LSAMP: variants seen among roughly 807,000 people sequenced by gnomAD.
The protein encoded by LSAMP is limbic system-associated membrane protein.
A neutral mutation model predicts 38.6 loss-of-function variants in LSAMP; 7 were observed. The observed-to-expected ratio is 0.18, with a 90% CI of 0.10 to 0.34. The LOEUF (loss-of-function observed/expected upper bound fraction) is 0.34. Among genes scored for constraint, LSAMP ranks in the 10% least tolerant of loss-of-function variants. The pLI is 1.00. For missense variants in LSAMP, 313 were observed against 420.0 expected, an observed-to-expected ratio of 0.75 and a Z score of 2.23; for synonymous variants, 154 against 166.8, an observed-to-expected ratio of 0.92 and a Z score of 0.59.
intron 3 of LSAMP, among the ~76,000 whole-genome samples, chr3:115,984,269 T>A: frequency 6.6e-6 from 1 of 152,098 alleles, no homozygotes; most frequent in East Asian, 1.9e-4. Context: ...GGAAACATGA[T>A]CAATTCAAAT....
At chr3:116,319,178 C>A (rs2107727424) in intron 1 of LSAMP, among the ~76,000 whole-genome samples, 1 of 152,186 alleles carries the variant, frequency 6.6e-6, no homozygotes, top group East Asian at 1.9e-4. Flanking sequence ...CTTGTTTTAC[C>A]AAAAAGTCAA....
intron 2 of LSAMP, among the ~76,000 whole-genome samples, chr3:116,052,786 G>A (rs541878100): frequency 2.8e-4 from 43 of 152,286 alleles, no homozygotes; most frequent in South Asian, 4.1e-4. Flanking sequence ...CAAGGTGCTC[G>A]TGTGCTCCCA....
intron 3 of LSAMP, among the ~76,000 whole-genome samples, chr3:115,932,632 A>T (rs1937598766): frequency 6.6e-6 from 1 of 152,224 alleles, no homozygotes; most frequent in Non-Finnish European, 1.5e-5. Flanking sequence ...TACATTACAG[A>T]AATCATAAAG....
chr3:116,425,060 G>T (rs1374259743), intron 1 of LSAMP, among the ~76,000 whole-genome samples: 1 of 151,762 alleles, frequency 6.6e-6, no homozygotes, highest in African/African-American at 2.4e-5. Flanking sequence ...ACCGTGCAGG[G>T]GCTGGGCATT....
At chr3:115,912,584 T>A (rs910025158) in intron 3 of LSAMP, among the ~76,000 whole-genome samples, 1 of 152,180 alleles carries the variant, frequency 6.6e-6, no homozygotes, top group Non-Finnish European at 1.5e-5. Flanking sequence ...CTGTGTTGCG[T>A]CATTGCAGCC....
At chr3:116,237,090 A>G (rs2046474184) in intron 1 of LSAMP, among the ~76,000 whole-genome samples, 1 of 152,062 alleles carries the variant, frequency 6.6e-6, no homozygotes, top group Non-Finnish European at 1.5e-5. Flanking sequence ...CATGACATCA[A>G]AAATATGCCT....
intron 1 of LSAMP, among the ~76,000 whole-genome samples, chr3:116,424,424 A>G (rs187650772): frequency 3.3e-5 from 5 of 152,328 alleles, no homozygotes; most frequent in Admixed American, 2.6e-4. Context: ...ACAATTTTCC[A>G]TAGTCGTACC....
intron 3 of LSAMP, among the ~76,000 whole-genome samples, chr3:116,002,434 C>G (rs999864669): frequency 6.6e-6 from 1 of 152,182 alleles, no homozygotes; most frequent in African/African-American, 2.4e-5. Context: ...CTGAAAGAAG[C>G]TTTGGATGCC....
intron 3 of LSAMP, 61 bp from the exon 4 acceptor site, chr3:115,852,678 CATT>C (rs1935372458): frequency 4.2e-6 from 6 of 1,437,442 alleles, no homozygotes; most frequent in East Asian, 2.5e-5. Context: ...TAGATCCTCT[CATT>C]ATTCTTTTTA....
intron 1 of LSAMP, among the ~76,000 whole-genome samples, chr3:116,250,078 A>C (rs1424890706): frequency 6.6e-6 from 1 of 152,180 alleles, no homozygotes; most frequent in African/African-American, 2.4e-5. Context: ...AAAAATCCAG[A>C]TCTTAACATT....
chr3:115,994,776 T>A (rs946287096), intron 3 of LSAMP, among the ~76,000 whole-genome samples: 3 of 152,130 alleles, frequency 2.0e-5, no homozygotes, highest in African/African-American at 7.2e-5. Flanking sequence ...TTCGCTTTAA[T>A]CTGTGGACTC....
chr3:116,060,670 G>A (rs1396821208), intron 2 of LSAMP, among the ~76,000 whole-genome samples: 1 of 152,178 alleles, frequency 6.6e-6, no homozygotes, highest in Non-Finnish European at 1.5e-5. Flanking sequence ...TGAGGCAGGA[G>A]AATCGCTTGA....
intron 1 of LSAMP, among the ~76,000 whole-genome samples, chr3:116,096,754 G>T (rs1319927679): frequency 6.6e-6 from 1 of 152,168 alleles, no homozygotes. Context: ...TCTGCTGGCT[G>T]AATTGGAGTT....
intron 1 of LSAMP, among the ~76,000 whole-genome samples, chr3:116,271,514 A>G (rs1203911330): frequency 6.6e-6 from 1 of 152,162 alleles, no homozygotes; most frequent in Admixed American, 6.6e-5. Context: ...ACTCCCAGTT[A>G]GTTTGTTTCA....
chr3:116,317,620 G>A (rs978053879), intron 1 of LSAMP, among the ~76,000 whole-genome samples: 28 of 151,672 alleles, frequency 1.8e-4, no homozygotes, highest in Admixed American at 1.0e-3. Context: ...CTCCCAAAGC[G>A]CTGGGATTAC....
intron 6 of LSAMP, among the ~76,000 whole-genome samples, chr3:115,824,841 T>C (rs1461085205): frequency 1.3e-5 from 2 of 152,188 alleles, no homozygotes; most frequent in Non-Finnish European, 2.9e-5. Flanking sequence ...TTATGTATAC[T>C]CTAAAGCCTT....
At chr3:116,048,315 A>G (rs1159385943) in intron 2 of LSAMP, among the ~76,000 whole-genome samples, 2 of 152,238 alleles carry the variant, frequency 1.3e-5, no homozygotes, top group Non-Finnish European at 2.9e-5. Context: ...AGAATCACCA[A>G]ACAAAATGTC....
At chr3:116,221,007 G>A (rs2046277384) in intron 1 of LSAMP, among the ~76,000 whole-genome samples, 4 of 151,918 alleles carry the variant, frequency 2.6e-5, no homozygotes, top group Non-Finnish European at 5.9e-5. Flanking sequence ...ACAAAAATTA[G>A]CCCGGCGTGG....
chr3:116,117,590 A>G (rs1383750042), intron 1 of LSAMP, among the ~76,000 whole-genome samples: 1 of 152,050 alleles, frequency 6.6e-6, no homozygotes, highest in Non-Finnish European at 1.5e-5. Context: ...CACATTAGTT[A>G]TTCTGTCTTT....
Sources: allele counts gnomAD v4.1 joint callset (sites outside exome capture counted in the v4.1 genomes callset), GRCh38; gene constraint gnomAD v4.1.1; transcripts MANE v1.5; gene names NCBI Gene and HGNC (gene_info 2026-07-23, HGNC 2026-07-21).